Variants in MAGI2 observed in about 807,000 individuals in gnomAD.
MAGI2 encodes membrane-associated guanylate kinase, WW and PDZ domain-containing protein 2.
MAGI2 carries 35 observed loss-of-function variants against 133.3 expected under a neutral mutation model. The ratio of observed to expected loss-of-function variants is 0.26; its 90% CI spans 0.20 to 0.35. The LOEUF (loss-of-function observed/expected upper bound fraction) is 0.35, where lower values mean the gene tolerates loss of function less well. Ranked by LOEUF, MAGI2 falls within the 10% of genes least tolerant of loss-of-function variation. MAGI2 has a pLI of 1.00. For synonymous variants in MAGI2, 729 were observed against 710.6 expected (o/e 1.03, Z -0.41); for missense variants, 1,636 against 1,863.4 (o/e 0.88, Z 2.25).
chr7:78,642,076 ATG>A (rs1810375514), intron 2 of MAGI2, among the ~76,000 whole-genome samples: 1 of 152,216 alleles, frequency 6.6e-6, no homozygotes, highest in Admixed American at 6.5e-5. Flanking sequence ...GGGAAGAAAC[ATG>A]GAGTCTGTAA....
At chr7:78,530,480 G>A (rs779291832) in intron 3 of MAGI2, among the ~76,000 whole-genome samples, 2 of 152,202 alleles carry the variant, frequency 1.3e-5, no homozygotes, top group Non-Finnish European at 2.9e-5. Context: ...CTTGTGTGAA[G>A]ACACTGTTCT....
intron 2 of MAGI2, among the ~76,000 whole-genome samples, chr7:78,914,147 C>A (rs2151621407): frequency 6.6e-6 from 1 of 152,172 alleles, no homozygotes; most frequent in African/African-American, 2.4e-5. Flanking sequence ...GTTTACTTGC[C>A]CCTTCAAATG....
chr7:79,189,915 T>G (rs1827504940), intron 1 of MAGI2, among the ~76,000 whole-genome samples: 1 of 151,864 alleles, frequency 6.6e-6, no homozygotes, highest in South Asian at 2.1e-4. Flanking sequence ...CTTAGTAATA[T>G]GCACTTAAGG....
chr7:78,262,088 TA>T lies in MAGI2; in HGVS notation c.1409-5508del, dbSNP rs1490411801. ...GATGGTCTCCTTAGAGTGACAGTTA[TA>T]AAAACAGCCATCAATTGGAGAAGAA... On this transcript the variant is annotated intron_variant, in intron 9 of 21. Transcript: ENST00000354212. 1.6e-4 allele frequency among the ~76,000 whole-genome samples: 25 copies of T among 152,256 alleles called. 1 individual carries two copies. In the East Asian group the frequency reaches 4.6e-3, roughly 28 times the overall value.
chr7:78,567,777 A>G (rs969591351), intron 3 of MAGI2, among the ~76,000 whole-genome samples: 4 of 151,864 alleles, frequency 2.6e-5, no homozygotes, highest in Admixed American at 1.3e-4. Flanking sequence ...ACAAAAACCT[A>G]TTTTCACCCC....
At chr7:79,352,299 T>C (rs977805866) in intron 1 of MAGI2, among the ~76,000 whole-genome samples, 1 of 152,128 alleles carries the variant, frequency 6.6e-6, no homozygotes, top group Admixed American at 6.5e-5. Flanking sequence ...TTTGGGAAAA[T>C]ATTAACTGAA....
At chr7:78,305,157 T>G (rs1325046060) in intron 9 of MAGI2, among the ~76,000 whole-genome samples, 1 of 152,222 alleles carries the variant, frequency 6.6e-6, no homozygotes, top group African/African-American at 2.4e-5. Flanking sequence ...ACTTCACTAT[T>G]CGGAACCCCT....
chr7:78,804,640 T>A (rs1265233920), intron 2 of MAGI2, among the ~76,000 whole-genome samples: 1 of 150,136 alleles, frequency 6.7e-6, no homozygotes, highest in Non-Finnish European at 1.5e-5. Context: ...TCCCAGCTAC[T>A]CGGGAGGCTG....
At chr7:79,138,860 G>T (rs189241551) in intron 1 of MAGI2, among the ~76,000 whole-genome samples, 5 of 151,722 alleles carry the variant, frequency 3.3e-5, no homozygotes, top group African/African-American at 4.8e-5. Context: ...AAAAAAATTA[G>T]CCGGGTGTGG....
intron 6 of MAGI2, among the ~76,000 whole-genome samples, chr7:78,464,335 G>A (rs1156795396): frequency 6.6e-6 from 1 of 152,102 alleles, no homozygotes; most frequent in Non-Finnish European, 1.5e-5. Context: ...GTGAAATCCA[G>A]TGGACAATTT....
At chr7:79,383,168 G>A (rs1843921115) in intron 1 of MAGI2, among the ~76,000 whole-genome samples, 1 of 151,564 alleles carries the variant, frequency 6.6e-6, no homozygotes, top group Non-Finnish European at 1.5e-5. Context: ...TCAGAGTATT[G>A]TTCTGTAAAT....
intron 2 of MAGI2, chr7:78,901,224 T>C (rs931972654): frequency 6.6e-6 from 1 of 152,182 alleles, no homozygotes; most frequent in African/African-American, 2.4e-5. Context: ...GAAAAAATTA[T>C]CCTATATTTA....
chr7:78,736,468 C>A (rs567543126), intron 2 of MAGI2, among the ~76,000 whole-genome samples: 6 of 152,228 alleles, frequency 3.9e-5, no homozygotes, highest in African/African-American at 1.4e-4. Flanking sequence ...ATATGCAATG[C>A]ATATATCATT....
intron 6 of MAGI2, among the ~76,000 whole-genome samples, chr7:78,455,767 T>C (rs1206479267): frequency 6.6e-6 from 1 of 152,144 alleles, no homozygotes; most frequent in African/African-American, 2.4e-5. Flanking sequence ...AGGATCACCA[T>C]ATTAGGTGCT....
chr7:78,021,296 G>A (rs996865897), intron 21 of MAGI2, among the ~76,000 whole-genome samples: 68 of 152,296 alleles, frequency 4.5e-4, no homozygotes, highest in African/African-American at 1.6e-3. Flanking sequence ...CACAGAATTG[G>A]TATATGGTCA....
chr7:78,736,407 CAG>C, intron 2 of MAGI2, among the ~76,000 whole-genome samples: 1 of 152,254 alleles, frequency 6.6e-6, no homozygotes, highest in African/African-American at 2.4e-5. Context: ...AAACAAGGAA[CAG>C]AAACTTACAT....
At chr7:78,563,737 A>C (rs1351273321) in intron 3 of MAGI2, among the ~76,000 whole-genome samples, 1 of 152,214 alleles carries the variant, frequency 6.6e-6, no homozygotes, top group African/African-American at 2.4e-5. Context: ...CTTACAAATA[A>C]AAATACCCAA....
chr7:78,915,879 C>A (rs1345264881), intron 2 of MAGI2, among the ~76,000 whole-genome samples: 7 of 151,848 alleles, frequency 4.6e-5, no homozygotes, highest in Admixed American at 1.3e-4. Flanking sequence ...AGGAGGGTCT[C>A]TCTGAGAAGG....
chr7:78,891,284 A>C (rs1796726569), intron 2 of MAGI2, among the ~76,000 whole-genome samples: 1 of 152,226 alleles, frequency 6.6e-6, no homozygotes, highest in African/African-American at 2.4e-5. Flanking sequence ...TTCAAAGCCT[A>C]ATTCTACCAA....
Sources: gnomAD v4.1 joint callset for allele counts (sites outside exome capture counted in the v4.1 genomes callset) on GRCh38, gnomAD v4.1.1 for gene constraint, MANE v1.5 for transcripts, NCBI Gene and HGNC (gene_info 2026-07-23, HGNC 2026-07-21) for gene names.